The following CHODL variants were observed in gnomAD, a reference collection of about 807,000 sequenced individuals.
CHODL encodes the protein transmembrane protein MT75.
CHODL carries 29 observed loss-of-function variants against 34.5 expected under a neutral mutation model. That is an observed-to-expected ratio of 0.84 (90% CI 0.63 to 1.15). The LOEUF (loss-of-function observed/expected upper bound fraction) is 1.15, where lower values mean the gene tolerates loss of function less well. Ranked by LOEUF, CHODL falls within the 50% of genes most tolerant of loss-of-function variation. CHODL has a pLI of 0.00. For missense variants in CHODL, 332 were observed against 332.5 expected, an observed-to-expected ratio of 1.00 and a Z score of 0.01; for synonymous variants, 125 against 116.1, an observed-to-expected ratio of 1.08 and a Z score of -0.49.
chr21:18,029,111 G>T (rs1179201892), intron 2 of CHODL, among the ~76,000 whole-genome samples: 1 of 152,042 alleles, frequency 6.6e-6, no homozygotes, highest in African/African-American at 2.4e-5. Context: ...CAAAGAAAAT[G>T]AGGTGAGAAG....
At chr21:18,047,216 TA>T (rs1848630017) in intron 2 of CHODL, among the ~76,000 whole-genome samples, 1 of 151,936 alleles carries the variant, frequency 6.6e-6, no homozygotes, top group African/African-American at 2.4e-5. Flanking sequence ...AGAAAGTATA[TA>T]TTTTTTCCCT....
At chr21:18,193,697 GAAA>G (rs1015005875) in intron 2 of CHODL, among the ~76,000 whole-genome samples, 79 of 74,232 alleles carry the variant, frequency 1.1e-3, no homozygotes, top group African/African-American at 3.4e-3. Flanking sequence ...CTCTGTCTCA[GAAA>G]AAAAAAAAAA....
At chr21:18,114,460 A>T (rs959301977) in intron 2 of CHODL, among the ~76,000 whole-genome samples, 12 of 151,382 alleles carry the variant, frequency 7.9e-5, no homozygotes, top group Non-Finnish European at 1.3e-4. Context: ...CTTATTTATT[A>T]TTTTTTTTTG....
chr21:18,040,389 G>C (rs2064361168), intron 2 of CHODL, among the ~76,000 whole-genome samples: 1 of 151,792 alleles, frequency 6.6e-6, no homozygotes, highest in South Asian at 2.1e-4. Context: ...ACTGGCAGTG[G>C]CTCACCAAAG....
At chr21:18,099,949 AG>A (rs1292633555) in intron 2 of CHODL, 1 of 152,108 alleles carries the variant, frequency 6.6e-6, no homozygotes, top group Non-Finnish European at 1.5e-5. Context: ...AGGTAGATGG[AG>A]GGGTCCAGAT....
chr21:18,005,031 G>A (rs1404634174), intron 1 of CHODL, among the ~76,000 whole-genome samples: 1 of 152,134 alleles, frequency 6.6e-6, no homozygotes, highest in African/African-American at 2.4e-5. Context: ...TTGAGTAGAC[G>A]ATATTATCCC....
chr21:18,005,125 C>T (rs930750495), intron 1 of CHODL, among the ~76,000 whole-genome samples: 1 of 152,204 alleles, frequency 6.6e-6, no homozygotes, highest in African/African-American at 2.4e-5. Flanking sequence ...GAGCTCATAA[C>T]AGAGTAGTTA....
At chr21:17,984,874 T>C (rs1192594183) in intron 1 of CHODL, among the ~76,000 whole-genome samples, 5 of 152,186 alleles carry the variant, frequency 3.3e-5, no homozygotes, top group African/African-American at 1.2e-4. Context: ...TTTGAAGTAC[T>C]TATATTGTCA....
intron 1 of CHODL, among the ~76,000 whole-genome samples, chr21:18,250,624 G>A (rs879318047): frequency 5.9e-5 from 9 of 151,972 alleles, no homozygotes; most frequent in East Asian, 5.8e-4. Flanking sequence ...AATGCTGAAC[G>A]CAGAACACTT....
chr21:17,947,695 A>C (rs1749224889), intron 1 of CHODL, among the ~76,000 whole-genome samples: 1 of 152,106 alleles, frequency 6.6e-6, no homozygotes, highest in Admixed American at 6.6e-5. Context: ...GGAAAAAGAG[A>C]AAGTTTATAC....
chr21:18,044,288 G>T (rs182620862), intron 2 of CHODL, among the ~76,000 whole-genome samples: 1 of 151,926 alleles, frequency 6.6e-6, no homozygotes. Flanking sequence ...AAATGCTCTT[G>T]TATTTACATT....
In CHODL at chr21:17,926,378, T is replaced by G. The variant is rs1396426307; in HGVS notation, c.-145+8978T>G. On this transcript the variant is annotated intron_variant, in intron 1 of 6. Transcript: ENST00000400127. ...AGGGTAACAAATAAATAAGGTGGGT[T>G]TTTTTTTTTTTTTTCCTGAAGTGTA... Among the ~76,000 whole-genome samples the G allele has an allele frequency of 2.2e-4, 29 of 132,252 alleles. 1 individual carries two copies. The highest frequency in any genetic ancestry group is 9.0e-4 in the African/African-American group (25 of 27,720). The allele number at this position is 132,252 out of a possible 152,430, so 86.8% of individuals were successfully genotyped here. A position where few individuals can be genotyped will look rare whatever the true frequency, so the allele number is the denominator to read the frequency against.
At chr21:18,086,522 C>T (rs1341722024) in intron 2 of CHODL, among the ~76,000 whole-genome samples, 2 of 152,008 alleles carry the variant, frequency 1.3e-5, no homozygotes, top group Admixed American at 6.6e-5. Context: ...TGAAAATGTA[C>T]ATATGTTGTT....
At chr21:18,043,849 AT>A (rs2064407524) in intron 2 of CHODL, among the ~76,000 whole-genome samples, 1 of 151,954 alleles carries the variant, frequency 6.6e-6, no homozygotes, top group South Asian at 2.1e-4. Context: ...GGCGAAAGGC[AT>A]GTCTTCCATG....
chr21:18,229,799 C>A (rs1330437581), intron 2 of CHODL, among the ~76,000 whole-genome samples: 1 of 152,096 alleles, frequency 6.6e-6, no homozygotes, highest in Non-Finnish European at 1.5e-5. Flanking sequence ...CAGCATCAGA[C>A]TTAAGTCTTA....
intron 2 of CHODL, among the ~76,000 whole-genome samples, chr21:18,213,650 AAATAAGACTAGATACTAAGAACT>A (rs1401534083): frequency 6.6e-6 from 1 of 152,084 alleles, no homozygotes. Flanking sequence ...AGGATGGAGA[AAATAAGACTAGATACTAAGAACT>A]TGGGGTCATC....
chr21:18,144,562 A>T (rs560596560), intron 2 of CHODL, among the ~76,000 whole-genome samples: 2 of 152,344 alleles, frequency 1.3e-5, no homozygotes, highest in South Asian at 4.1e-4. Context: ...TTATGTTCAC[A>T]CAAAGACCAC....
chr21:17,996,586 G>C (rs535225031), intron 1 of CHODL, among the ~76,000 whole-genome samples: 2 of 152,180 alleles, frequency 1.3e-5, no homozygotes, highest in Non-Finnish European at 2.9e-5. Context: ...GAATCAAATG[G>C]ACTCTCCGGA....
At chr21:18,182,102 G>A (rs985228602) in intron 2 of CHODL, among the ~76,000 whole-genome samples, 4 of 152,098 alleles carry the variant, frequency 2.6e-5, no homozygotes, top group Non-Finnish European at 1.5e-5. Context: ...GAATTGCTGG[G>A]TAATATGTTC....
Sources: gnomAD v4.1 joint callset for allele counts (sites outside exome capture counted in the v4.1 genomes callset) on GRCh38, gnomAD v4.1.1 for gene constraint, MANE v1.5 for transcripts, NCBI Gene and HGNC (gene_info 2026-07-23, HGNC 2026-07-21) for gene names.